Variants in TAF7 observed in about 807,000 individuals in gnomAD.
TAF7 encodes TATA-box binding protein associated factor 7, also known as transcription initiation factor TFIID subunit 7.
TAF7 carries 9 observed loss-of-function variants against 25.3 expected under a neutral mutation model. That is an observed-to-expected ratio of 0.36 (90% confidence interval 0.21 to 0.62). The LOEUF (loss-of-function observed/expected upper bound fraction) is 0.62. Ranked by LOEUF, TAF7 falls within the 20% of genes least tolerant of loss-of-function variation. TAF7 has a pLI of 0.72. For synonymous variants in TAF7, 127 were observed against 146.7 expected (o/e 0.87, Z 0.97); for missense variants, 311 against 410.6 (o/e 0.76, Z 2.10).
chr5:141,320,751 C>G lies in TAF7; in HGVS notation c.-707G>C, dbSNP rs1206761887. 6.0e-6 allele frequency: 1 copy of G among 167,190 alleles called. No homozygotes were observed. The highest frequency in any genetic ancestry group is 2.4e-5 in the African/African-American group (1 of 41,484). The allele number at this position is 167,190 out of a possible 1,614,324, so 10.4% of individuals were successfully genotyped here. On this transcript the variant is annotated 5_prime_UTR_variant, in exon 1 of 1. Coordinates refer to ENST00000313368, the MANE Select transcript of TAF7 (RefSeq NM_005642.3). ...CCAGACCCCGCACCTCGCCGGCCCT[C>G]CGTCCGGGTCGCCTACCCAGCAAAA... is the stretch of plus-strand genomic sequence containing the variant.
chr5:141,318,704 G>C lies in TAF7; in HGVS notation c.*291C>G, dbSNP rs1458106328. 1 of 237,216 alleles carries C rather than the reference G, an allele frequency of 4.2e-6. No individual in the cohort carries two copies. Among genetic ancestry groups the C allele is most frequent in the Non-Finnish European group, 8.1e-6 (1 of 123,862 alleles). 14.7% of individuals were successfully genotyped at this position (237,216 alleles called of 1,614,324 possible). ...GCAGCTTCTAGAAAATGGAGAAACA[G>C]TAAAGTCCTGCAATGAAGCTATAAT... On this transcript the variant is annotated 3_prime_UTR_variant, in exon 1 of 1. Coordinates refer to ENST00000313368, the MANE Select transcript of TAF7 (RefSeq NM_005642.3).
Position 141,318,745 on chromosome 5 carries a change from C to T in TAF7, c.*250G>A, listed in dbSNP as rs1756114427. 1 of 365,068 alleles carries T rather than the reference C, an allele frequency of 2.7e-6. No homozygotes were observed. Among genetic ancestry groups the T allele is most frequent in the Non-Finnish European group, 4.9e-6 (1 of 203,720 alleles). The allele number at this position is 365,068 out of a possible 1,614,324, so 22.6% of individuals were successfully genotyped here. ...AAGCTATAATTAAGGTTGAACCATA[C>T]ATTCCGCTAATCCTGCAACTTTCCT... On this transcript the variant is annotated 3_prime_UTR_variant, in exon 1 of 1. Transcript: ENST00000313368.
In TAF7 at chr5:141,319,897, C is replaced by T. The variant is rs1313085610; in HGVS notation, c.148G>A (p.Asp50Asn). 1 of 1,614,044 alleles carries T rather than the reference C, an allele frequency of 6.2e-7. No individual in the cohort carries two copies. The highest frequency in any genetic ancestry group is 1.3e-5 in the African/African-American group (1 of 74,912). ...ACTCTGACGATTCCATGACGCCCAT[C>T]AGGATGTAACTCAATTGTCAGTCTG... ...KDRLTIELHPDGRHGIVRVDR... is the reference protein window; with the variant it reads ...KDRLTIELHPNGRHGIVRVDR... The change falls in exon 1 of 1, where the codon GAT (aspartate) becomes AAT (asparagine). Residue 50 changes from aspartate (D) to asparagine (N), a missense_variant. Physicochemically the swap from Asp to Asn is conservative, Grantham distance 23. Transcript: ENST00000313368. This position sits in a 1 kb window ranked among gnomAD's most constrained non-coding sequence, Gnocchi z 5.3.
rs1265753985 is a variant in TAF7, at chr5:141,319,751, T to C, written c.294A>G (p.Thr98=). 1.9e-6 allele frequency: 3 copies of C among 1,614,170 alleles called. No individual in the cohort carries two copies. Among genetic ancestry groups the C allele is most frequent in the South Asian group, 1.1e-5 (1 of 91,086 alleles). ...CAGGAGGATAGAGATCACCATCAACTGTGGATACAAGCATCTGACAGATAT... is the reference window on the plus strand; with the variant it reads ...CAGGAGGATAGAGATCACCATCAACCGTGGATACAAGCATCTGACAGATAT... ...TADICQMLVS[T]VDGDLYPPVE... Residue 98 remains threonine, a synonymous_variant, in exon 1 of 1, where the codon ACA becomes ACG. Transcript: ENST00000313368. This position sits in a 1 kb window ranked among gnomAD's most constrained non-coding sequence, Gnocchi z 5.3.
Position 141,318,578 on chromosome 5 carries a change from T to G in TAF7, c.*417A>C, listed in dbSNP as rs1423215990. 1 of 155,568 alleles carries G rather than the reference T, an allele frequency of 6.4e-6. No individual in the cohort carries two copies. The highest frequency in any genetic ancestry group is 6.5e-5 in the Admixed American group (1 of 15,416). 9.6% of individuals were successfully genotyped at this position (155,568 alleles called of 1,614,324 possible). Reference sequence around the variant, plus strand: ...CATATAGAAAGCTGCTTTGAATAACTGGGAAAACAATTATTGCATAGGAAA... The same window carrying G: ...CATATAGAAAGCTGCTTTGAATAACGGGGAAAACAATTATTGCATAGGAAA... On this transcript the variant is annotated 3_prime_UTR_variant, in exon 1 of 1. Transcript: ENST00000313368.
chr5:141,318,828 C>T lies in TAF7; in HGVS notation c.*167G>A. 1 of 604,556 alleles carries T rather than the reference C, an allele frequency of 1.7e-6. No individual in the cohort carries two copies. The highest frequency in any genetic ancestry group is 3.0e-5 in the East Asian group (1 of 33,394). The allele number at this position is 604,556 out of a possible 1,614,324, so 37.4% of individuals were successfully genotyped here. A position where few individuals can be genotyped will look rare whatever the true frequency, so the allele number is the denominator to read the frequency against. ...CTTATAGGATGAACACCTAGCAAAA[C>T]AATATAAATTTGCTGAAAAACAAAA... On this transcript the variant is annotated 3_prime_UTR_variant, in exon 1 of 1. Coordinates refer to ENST00000313368, the MANE Select transcript of TAF7 (RefSeq NM_005642.3).
At position 141,320,159 on chromosome 5, in the gene TAF7, G is replaced by T; in HGVS notation, c.-115C>A. On this transcript the variant is annotated 5_prime_UTR_variant, in exon 1 of 1. Transcript: ENST00000313368. ...ATGAATTGAAATCTTTTAATTACAA[G>T]AAGTTCTCTGTAGATCAGCAGCTAA... 2 of 914,350 alleles carry T rather than the reference G, an allele frequency of 2.2e-6. No homozygotes were observed. The highest frequency in any genetic ancestry group is 1.8e-5 in the South Asian group (1 of 56,454). 56.6% of individuals were successfully genotyped at this position (914,350 alleles called of 1,614,324 possible).
Position 141,319,385 on chromosome 5 carries a change from C to T in TAF7, c.660G>A (p.Arg220=), listed in dbSNP as rs1588432677. 1.2e-6 allele frequency: 2 copies of T among 1,614,074 alleles called. No individual in the cohort carries two copies. Among genetic ancestry groups the T allele is most frequent in the East Asian group, 2.2e-5 (1 of 44,878 alleles). ...TGCTGCTGAGGTCATTGAATATCTC[C>T]CGAAGCTCATCATGTTCTAATGAGT... ...GHDSLEHDEL[R]EIFNDLSSSS... is the part of the protein sequence containing the mutation. Residue 220 remains arginine (R), a synonymous_variant, in exon 1 of 1, where the codon CGG becomes CGA. Transcript: ENST00000313368. The surrounding 1 kb of genome is among the most constrained non-coding windows in gnomAD (Gnocchi z 5.3).
At position 141,320,334 on chromosome 5, in the gene TAF7, C is replaced by T. The variant is rs1040972005; in HGVS notation, c.-290G>A. 19 of 288,180 alleles carry T rather than the reference C, an allele frequency of 6.6e-5. No individual in the cohort carries two copies. Among genetic ancestry groups the T allele is most frequent in the African/African-American group, 4.2e-4 (19 of 44,896 alleles). The allele number at this position is 288,180 out of a possible 1,614,324, so 17.9% of individuals were successfully genotyped here. A position where few individuals can be genotyped will look rare whatever the true frequency, so the allele number is the denominator to read the frequency against. ...GCCAAGTCCCAACCTCTAGGTGCCGCTGCCGGACAACGCGGAGAGAGCTAG... is the reference window on the plus strand; with the variant it reads ...GCCAAGTCCCAACCTCTAGGTGCCGTTGCCGGACAACGCGGAGAGAGCTAG... On this transcript the variant is annotated 5_prime_UTR_variant, in exon 1 of 1. Coordinates refer to ENST00000313368, the MANE Select transcript of TAF7 (RefSeq NM_005642.3).
At position 141,320,612 on chromosome 5, in the gene TAF7, T is replaced by C. The variant is rs1756146777; in HGVS notation, c.-568A>G. On this transcript the variant is annotated 5_prime_UTR_variant, in exon 1 of 1. Transcript: ENST00000313368. Reference sequence around the variant, plus strand: ...AAGCGGGAGAGAGCCGAGCGTCTCCTTGTCGTTTCCTTAATTCTTCCTGCC... The same window carrying C: ...AAGCGGGAGAGAGCCGAGCGTCTCCCTGTCGTTTCCTTAATTCTTCCTGCC... The C allele has an allele frequency of 6.0e-6, 1 of 167,446 alleles. No individual in the cohort carries two copies. The highest frequency in any genetic ancestry group is 1.5e-5 in the Non-Finnish European group (1 of 68,370). 10.4% of individuals were successfully genotyped at this position (167,446 alleles called of 1,614,324 possible). A position where few individuals can be genotyped will look rare whatever the true frequency, so the allele number is the denominator to read the frequency against.
chr5:141,319,040 T>C lies in TAF7; in HGVS notation c.1005A>G (p.Gln335=). Residue 335 remains glutamine, a synonymous_variant, in exon 1 of 1, where the codon CAA becomes CAG. Coordinates refer to ENST00000313368, the MANE Select transcript of TAF7 (RefSeq NM_005642.3). This position sits in a 1 kb window ranked among gnomAD's most constrained non-coding sequence, Gnocchi z 5.3. ...CTAGCTCCTCTTGCAAAGAGCTGAGTTGCTCCTTTTCTCGGTCTTCCTTTT... is the reference window on the plus strand; with the variant it reads ...CTAGCTCCTCTTGCAAAGAGCTGAGCTGCTCCTTTTCTCGGTCTTCCTTTT... The part of the protein sequence containing the change: ...LKQKEDREKE[Q]LSSLQEELES... 6.2e-7 allele frequency: 1 copy of C among 1,613,594 alleles called. No homozygotes were observed. Among genetic ancestry groups the C allele is most frequent in the East Asian group, 2.2e-5 (1 of 44,874 alleles).
rs769700302 is a variant in TAF7 at position 141,320,073 on chromosome 5, A to G, written c.-29T>C. 4.4e-6 allele frequency: 7 copies of G among 1,585,818 alleles called. No individual in the cohort carries two copies. Among genetic ancestry groups the G allele is most frequent in the Non-Finnish European group, 6.0e-6 (7 of 1,162,778 alleles). ...TATTTCCTTGTGATTCACTTCTCCA[A>G]TAAATGCTGGTTACACTAAAAAGTT... On this transcript the variant is annotated 5_prime_UTR_variant, in exon 1 of 1. Transcript: ENST00000313368.
Position 141,320,754 on chromosome 5 carries a change from T to A in TAF7, c.-710A>T, listed in dbSNP as rs1011429501. ...GACCCCGCACCTCGCCGGCCCTCCG[T>A]CCGGGTCGCCTACCCAGCAAAAACG... On this transcript the variant is annotated 5_prime_UTR_variant, in exon 1 of 1. Transcript: ENST00000313368. 6.0e-6 allele frequency: 1 copy of A among 167,276 alleles called. No individual in the cohort carries two copies. The highest frequency in any genetic ancestry group is 6.5e-5 in the Admixed American group (1 of 15,312). 10.4% of individuals were successfully genotyped at this position (167,276 alleles called of 1,614,324 possible).
chr5:141,319,176 C>T lies in TAF7; in HGVS notation c.869G>A (p.Gly290Asp). The T allele has an allele frequency of 6.2e-7, 1 of 1,614,070 alleles. No individual in the cohort carries two copies. Among genetic ancestry groups the T allele is most frequent in the Non-Finnish European group, 8.5e-7 (1 of 1,180,008 alleles). Residue 290 changes from glycine (G) to aspartate (D), a missense_variant, in exon 1 of 1, where the codon GGC becomes GAC. Physicochemically the swap from Gly to Asp is moderately conservative, Grantham distance 94 (BLOSUM62 -1). This residue lies in a region of TAF7 where 179 missense variants were observed against 206.7 expected (regional missense o/e 0.87). Coordinates refer to ENST00000313368, the MANE Select transcript of TAF7 (RefSeq NM_005642.3). This position sits in a 1 kb window ranked among gnomAD's most constrained non-coding sequence, Gnocchi z 5.3. ...CCTGTCCTGGGTCTCTTGGAGCTTGCCTTTCATGTTGTCAATCTGCTTCTG... is the reference window on the plus strand; with the variant it reads ...CCTGTCCTGGGTCTCTTGGAGCTTGTCTTTCATGTTGTCAATCTGCTTCTG... ...GIQKQIDNMK[G>D]KLQETQDRAK...
Position 141,320,185 on chromosome 5 carries a change from G to A in TAF7, c.-141C>T. On this transcript the variant is annotated 5_prime_UTR_variant, in exon 1 of 1. Transcript: ENST00000313368. ...AAGTTCTCTGTAGATCAGCAGCTAA[G>A]CGTCTATTTTGCCTTAGTTTTTATT... The A allele has an allele frequency of 1.3e-6, 1 of 743,184 alleles. No homozygotes were observed. Among genetic ancestry groups the A allele is most frequent in the South Asian group, 1.9e-5 (1 of 51,330 alleles). The allele number at this position is 743,184 out of a possible 1,614,324, so 46.0% of individuals were successfully genotyped here.
rs1756139901 is a variant in TAF7 at position 141,320,313 on chromosome 5, A to C, written c.-269T>G. The C allele has an allele frequency of 8.4e-6, 3 of 358,590 alleles. No individual in the cohort carries two copies. Among genetic ancestry groups the C allele is most frequent in the Non-Finnish European group, 1.6e-5 (3 of 187,398 alleles). The allele number at this position is 358,590 out of a possible 1,614,324, so 22.2% of individuals were successfully genotyped here. A position where few individuals can be genotyped will look rare whatever the true frequency, so the allele number is the denominator to read the frequency against. Reference sequence around the variant, plus strand: ...GTTCATTAAATCAGATGCAATGCCAAGTCCCAACCTCTAGGTGCCGCTGCC... The same window carrying C: ...GTTCATTAAATCAGATGCAATGCCACGTCCCAACCTCTAGGTGCCGCTGCC... On this transcript the variant is annotated 5_prime_UTR_variant, in exon 1 of 1. Coordinates refer to ENST00000313368, the MANE Select transcript of TAF7 (RefSeq NM_005642.3).
rs1208833642 is a variant in TAF7 at position 141,318,702 on chromosome 5, C to T, written c.*293G>A. Reference sequence around the variant, plus strand: ...CAGCAGCTTCTAGAAAATGGAGAAACAGTAAAGTCCTGCAATGAAGCTATA... The same window carrying T: ...CAGCAGCTTCTAGAAAATGGAGAAATAGTAAAGTCCTGCAATGAAGCTATA... On this transcript the variant is annotated 3_prime_UTR_variant, in exon 1 of 1. Transcript: ENST00000313368. 1.3e-5 allele frequency: 3 copies of T among 230,398 alleles called. No individual in the cohort carries two copies. The highest frequency in any genetic ancestry group is 1.4e-3 in the Middle Eastern group (1 of 734). The allele number at this position is 230,398 out of a possible 1,614,324, so 14.3% of individuals were successfully genotyped here. A position where few individuals can be genotyped will look rare whatever the true frequency, so the allele number is the denominator to read the frequency against.
Position 141,318,607 on chromosome 5 carries a change from T to C in TAF7, c.*388A>G. Reference sequence around the variant, plus strand: ...AAAACAATTATTGCATAGGAAAACATATGCAAACTAGCATCATTGTCTCTA... The same window carrying C: ...AAAACAATTATTGCATAGGAAAACACATGCAAACTAGCATCATTGTCTCTA... On this transcript the variant is annotated 3_prime_UTR_variant, in exon 1 of 1. Transcript: ENST00000313368. The C allele has an allele frequency of 6.2e-6, 1 of 160,342 alleles. No individual in the cohort carries two copies. The highest frequency in any genetic ancestry group is 1.4e-5 in the Non-Finnish European group (1 of 73,792). 9.9% of individuals were successfully genotyped at this position (160,342 alleles called of 1,614,324 possible).
chr5:141,320,290 T>G lies in TAF7; in HGVS notation c.-246A>C, dbSNP rs1334350207. On this transcript the variant is annotated 5_prime_UTR_variant, in exon 1 of 1. Coordinates refer to ENST00000313368, the MANE Select transcript of TAF7 (RefSeq NM_005642.3). The stretch of plus-strand genomic sequence containing the variant: ...CAAAGGCTTATTCACAGACTTAAGT[T>G]CATTAAATCAGATGCAATGCCAAGT... The G allele has an allele frequency of 6.6e-6, 3 of 454,500 alleles. No individual in the cohort carries two copies. Among genetic ancestry groups the G allele is most frequent in the Non-Finnish European group, 8.1e-6 (2 of 247,066 alleles). The allele number at this position is 454,500 out of a possible 1,614,324, so 28.2% of individuals were successfully genotyped here.
Sources: gnomAD v4.1 joint callset for allele counts on GRCh38, gnomAD v4.1.1 for gene constraint, gnomAD v4.1.1 regional missense constraint, Gnocchi (gnomAD v3.1) non-coding constraint, MANE v1.5 for transcripts, NCBI Gene and HGNC (gene_info 2026-07-23, HGNC 2026-07-21) for gene names.